Variants in RBFOX1 observed in about 807,000 individuals in gnomAD.
RBFOX1 encodes the protein RNA binding fox-1 homolog 1.
A neutral mutation model predicts 57.7 loss-of-function variants in RBFOX1; 8 were observed. The observed-to-expected ratio is 0.14, with a 90% CI of 0.08 to 0.25. The LOEUF (loss-of-function observed/expected upper bound fraction) is 0.25. RBFOX1 is among the 10% of genes least tolerant of loss of function. The probability of loss-of-function intolerance (pLI) is 1.00; values close to 1 mark genes in which losing one functional copy is unlikely to be tolerated. For synonymous variants in RBFOX1, 326 were observed against 222.4 expected, an observed-to-expected ratio of 1.47 and a Z score of -4.15; for missense variants, 611 against 548.5, an observed-to-expected ratio of 1.11 and a Z score of -1.14.
intron 1 of RBFOX1, among the ~76,000 whole-genome samples, chr16:5,379,819 A>G (rs1425690798): frequency 6.6e-6 from 1 of 152,150 alleles, no homozygotes; most frequent in Non-Finnish European, 1.5e-5. Flanking sequence ...GGTCTGGGTA[A>G]CATTTCAGGG....
intron 11 of RBFOX1, among the ~76,000 whole-genome samples, chr16:7,646,789 G>A (rs1034763136): frequency 2.6e-5 from 4 of 152,160 alleles, no homozygotes; most frequent in Non-Finnish European, 5.9e-5. Flanking sequence ...TTTTCCACTG[G>A]TTTTGTGTTT....
At position 5,800,043 on chromosome 16, in the gene RBFOX1, T is replaced by TA. The variant is rs1555530512; in HGVS notation, c.319-67260_319-67259insA. Among the ~76,000 whole-genome samples the TA allele has an allele frequency of 1.6e-3, 235 of 151,196 alleles. 1 individual carries two copies. The highest frequency in any genetic ancestry group is 4.4e-4 in the Non-Finnish European group (30 of 67,880). On this transcript the variant is annotated intron_variant, in intron 3 of 19. Coordinates refer to the RBFOX1 transcript ENST00000641259. ...TATTAAGTGTATATTTCCCTATTTT[T>TA]TATATATATATGTATAAGTATATAC...
intron 4 of RBFOX1, among the ~76,000 whole-genome samples, chr16:7,076,508 T>A (rs2058324734): frequency 1.3e-5 from 2 of 152,136 alleles, no homozygotes; most frequent in African/African-American, 4.8e-5. Flanking sequence ...ATGCCTAATA[T>A]ACAAAAAATA....
intron 1 of RBFOX1, among the ~76,000 whole-genome samples, chr16:6,192,565 C>A (rs761956718): frequency 6.6e-6 from 1 of 152,108 alleles, no homozygotes; most frequent in Non-Finnish European, 1.5e-5. Context: ...AGGATGGTCA[C>A]TAAGCATCTT....
chr16:6,033,102 G>A (rs770105327), intron 1 of RBFOX1, among the ~76,000 whole-genome samples: 12 of 152,146 alleles, frequency 7.9e-5, no homozygotes, highest in Non-Finnish European at 1.3e-4. Context: ...CGTTGTTACC[G>A]TGAGCACAGC....
intron 1 of RBFOX1, among the ~76,000 whole-genome samples, chr16:6,058,528 A>G (rs777804007): frequency 1.3e-5 from 2 of 152,142 alleles, no homozygotes; most frequent in Non-Finnish European, 2.9e-5. Flanking sequence ...AAATATCGAG[A>G]TCCGTCTTAT....
intron 1 of RBFOX1, among the ~76,000 whole-genome samples, chr16:6,290,213 GT>G (rs1203835191): frequency 1.6e-5 from 2 of 122,054 alleles, no homozygotes; most frequent in Non-Finnish European, 3.8e-5. Flanking sequence ...AAAATAGATT[GT>G]TGTGAGCATA....
intron 4 of RBFOX1, among the ~76,000 whole-genome samples, chr16:7,273,603 C>A (rs970633195): frequency 2.0e-5 from 3 of 152,150 alleles, no homozygotes; most frequent in Non-Finnish European, 4.4e-5. Context: ...AAGATACTTA[C>A]CTCCCAGGAT....
intron 3 of RBFOX1, among the ~76,000 whole-genome samples, chr16:6,896,627 G>A (rs1596474107): frequency 6.6e-6 from 1 of 152,230 alleles, no homozygotes; most frequent in African/African-American, 2.4e-5. Context: ...ATCTGCGGAC[G>A]GTATTTCAAA....
intron 2 of RBFOX1, among the ~76,000 whole-genome samples, chr16:6,495,168 G>T (rs1764235200): frequency 6.6e-6 from 1 of 152,128 alleles, no homozygotes; most frequent in Non-Finnish European, 1.5e-5. Context: ...ACCCATGCGG[G>T]AGTGAAGTGG....
chr16:7,576,110 T>TA (rs1555623525), intron 5 of RBFOX1, among the ~76,000 whole-genome samples: 97 of 151,444 alleles, frequency 6.4e-4, no homozygotes, highest in African/African-American at 2.2e-3. Flanking sequence ...TTTTTTTTTT[T>TA]AATTTATTTA....
intron 3 of RBFOX1, among the ~76,000 whole-genome samples, chr16:6,803,606 A>G (rs2086010537): frequency 2.0e-5 from 3 of 152,196 alleles, no homozygotes. Flanking sequence ...CTGAGAAGGA[A>G]ACAGGATTCC....
At chr16:6,622,383 A>G (rs2098245766) in intron 2 of RBFOX1, among the ~76,000 whole-genome samples, 1 of 152,156 alleles carries the variant, frequency 6.6e-6, no homozygotes, top group Admixed American at 6.5e-5. Flanking sequence ...GATACGTAGT[A>G]CTTACCTTTT....
intron 4 of RBFOX1, among the ~76,000 whole-genome samples, chr16:7,434,526 G>A (rs2098707271): frequency 6.6e-6 from 1 of 151,934 alleles, no homozygotes; most frequent in East Asian, 1.9e-4. Context: ...CAGGAGATGA[G>A]GAGATGGACT....
At chr16:5,312,677 C>G (rs1043600448) in intron 1 of RBFOX1, among the ~76,000 whole-genome samples, 1 of 151,936 alleles carries the variant, frequency 6.6e-6, no homozygotes, top group Non-Finnish European at 1.5e-5. Context: ...CTGAGGACAC[C>G]CAAGAGACAG....
chr16:6,544,357 C>T (rs2096865960), intron 2 of RBFOX1, among the ~76,000 whole-genome samples: 1 of 152,174 alleles, frequency 6.6e-6, no homozygotes. Flanking sequence ...GGAAAACCAC[C>T]TTTTCCCCTC....
intron 3 of RBFOX1, among the ~76,000 whole-genome samples, chr16:5,800,711 A>G (rs1275876826): frequency 6.6e-6 from 1 of 152,184 alleles, no homozygotes; most frequent in Non-Finnish European, 1.5e-5. Context: ...AGTCATTATT[A>G]CAGAGAGGAA....
intron 14 of RBFOX1, among the ~76,000 whole-genome samples, chr16:7,699,157 C>G (rs923767080): frequency 1.3e-5 from 2 of 152,116 alleles, no homozygotes; most frequent in Non-Finnish European, 2.9e-5. Context: ...TAGAAAAGAC[C>G]TCACACCTTG....
At chr16:5,492,444 C>G (rs1055135824) in intron 2 of RBFOX1, among the ~76,000 whole-genome samples, 1 of 152,072 alleles carries the variant, frequency 6.6e-6, no homozygotes, top group Non-Finnish European at 1.5e-5. Context: ...AATCACAAAC[C>G]GCGATGAGTG....
Sources: allele counts gnomAD v4.1 joint callset (sites outside exome capture counted in the v4.1 genomes callset), GRCh38; gene constraint gnomAD v4.1.1; transcripts MANE v1.5; gene names NCBI Gene and HGNC (gene_info 2026-07-23, HGNC 2026-07-21).